NFIA: variants seen among roughly 807,000 people sequenced by gnomAD.
The protein encoded by NFIA is nuclear factor 1 A-type.
NFIA carries 8 observed loss-of-function variants against 62.8 expected under a neutral mutation model. That is an observed-to-expected ratio of 0.13 (90% CI 0.07 to 0.23). The LOEUF is 0.23. NFIA is among the 10% of genes least tolerant of loss of function. NFIA has a pLI of 1.00. For missense variants in NFIA, 410 were observed against 642.1 expected (o/e 0.64, Z 3.91); for synonymous variants, 235 against 238.1 (o/e 0.99, Z 0.12).
chr1:61,094,838 A>AATT (rs1646383197), intron 2 of NFIA, among the ~76,000 whole-genome samples: 1 of 152,222 alleles, frequency 6.6e-6, no homozygotes, highest in African/African-American at 2.4e-5. Context: ...TATCTAATGG[A>AATT]ATTAGTCCTC....
intron 3 of NFIA, among the ~76,000 whole-genome samples, chr1:61,309,246 C>G (rs1416466661): frequency 6.6e-6 from 1 of 151,468 alleles, no homozygotes; most frequent in Non-Finnish European, 1.5e-5. Context: ...ATGAAGAGAC[C>G]CTACATGTGA....
chr1:61,135,244 A>G (rs1647160994), intron 2 of NFIA, among the ~76,000 whole-genome samples: 3 of 152,212 alleles, frequency 2.0e-5, no homozygotes, highest in Admixed American at 2.0e-4. Context: ...TAATACAGCT[A>G]CTTTGATTTG....
chr1:61,426,424 T>C (rs1360444704), intron 9 of NFIA, 41 bp from the exon 10 acceptor site: 1 of 1,360,192 alleles, frequency 7.4e-7, no homozygotes, highest in Admixed American at 2.0e-5. Flanking sequence ...GTGTGCAATC[T>C]CGTGCCGCTT....
chr1:61,252,808 ATCT>A (rs1307598601), intron 2 of NFIA, among the ~76,000 whole-genome samples: 1 of 152,238 alleles, frequency 6.6e-6, no homozygotes, highest in Non-Finnish European at 1.5e-5. Context: ...ATTAATGAGT[ATCT>A]TCTTCATCCA....
chr1:61,442,813 C>G (rs1268725291), intron 10 of NFIA, among the ~76,000 whole-genome samples: 1 of 152,182 alleles, frequency 6.6e-6, no homozygotes. Context: ...TCAGTCCTGG[C>G]TAAAGGCTGA....
intron 3 of NFIA, among the ~76,000 whole-genome samples, chr1:61,289,961 C>T (rs1658764225): frequency 6.6e-6 from 1 of 151,446 alleles, no homozygotes; most frequent in East Asian, 1.9e-4. Flanking sequence ...TCATCCACCT[C>T]ATTGCCTCAT....
At chr1:61,361,594 T>C (rs148573045) in intron 6 of NFIA, among the ~76,000 whole-genome samples, 267 of 152,190 alleles carry the variant, frequency 1.8e-3, no homozygotes, top group Middle Eastern at 6.8e-3. Context: ...TCTGGGTATA[T>C]TGGGGGCTGT....
intron 2 of NFIA, among the ~76,000 whole-genome samples, chr1:61,243,400 G>A (rs911091630): frequency 1.3e-5 from 2 of 152,076 alleles, no homozygotes; most frequent in African/African-American, 4.8e-5. Context: ...CTTACATATT[G>A]TACTGTAAGT....
In NFIA at chr1:61,448,512, C is replaced by T. The variant is rs113179900; in HGVS notation, c.1513-6791C>T. ...AACCCAGCTACCCCTGGCTTTCTGG[C>T]TTTCTGTAGTAGCCCCTAGCCAGGC... On this transcript the variant is annotated intron_variant, in intron 10 of 10. Transcript: ENST00000403491. Among the ~76,000 whole-genome samples, 1,307 of 152,308 alleles carry T rather than the reference C, an allele frequency of 8.6e-3. 21 individuals are homozygous for T. The highest frequency in any genetic ancestry group is 0.03 in the African/African-American group (1,256 of 41,554).
intron 2 of NFIA, among the ~76,000 whole-genome samples, chr1:61,235,023 C>T (rs530544912): frequency 6.6e-6 from 1 of 152,244 alleles, no homozygotes; most frequent in South Asian, 2.1e-4. Context: ...AGCCTTTATA[C>T]CCCTTTTAAG....
intron 2 of NFIA, among the ~76,000 whole-genome samples, chr1:61,186,263 C>T (rs372933504): frequency 2.6e-5 from 4 of 152,188 alleles, no homozygotes; most frequent in African/African-American, 7.2e-5. Context: ...TATGAACTGC[C>T]GCAGGTGGTT....
At chr1:61,262,706 A>G (rs1268392441) in intron 2 of NFIA, among the ~76,000 whole-genome samples, 3 of 151,768 alleles carry the variant, frequency 2.0e-5, no homozygotes, top group Non-Finnish European at 4.4e-5. Flanking sequence ...GAAAATGAAA[A>G]CACACTCAGT....
At chr1:61,364,030 T>A (rs1452375851) in intron 6 of NFIA, among the ~76,000 whole-genome samples, 1 of 149,704 alleles carries the variant, frequency 6.7e-6, no homozygotes, top group Non-Finnish European at 1.5e-5. Context: ...CACTGCAACC[T>A]CCACCTCCGG....
intron 3 of NFIA, among the ~76,000 whole-genome samples, chr1:61,289,950 C>T (rs1002134946): frequency 6.6e-6 from 1 of 151,666 alleles, no homozygotes; most frequent in Non-Finnish European, 1.5e-5. Flanking sequence ...CGCCTTCTCT[C>T]TCATCCACCT....
chr1:61,087,650 G>A (rs951063259), intron 1 of NFIA, among the ~76,000 whole-genome samples: 2 of 152,148 alleles, frequency 1.3e-5, no homozygotes, highest in African/African-American at 2.4e-5. Context: ...TTCATTGATT[G>A]TAGAGATGAT....
At chr1:61,081,701 C>A (rs1356418788), upstream of NFIA, 21 of 593,606 alleles carry the variant, frequency 3.5e-5, no homozygotes, top group East Asian at 4.1e-4. Context: ...TTCTCCAGAC[C>A]CCCGCCCCCC....
At chr1:61,202,440 T>C (rs1235279031) in intron 2 of NFIA, among the ~76,000 whole-genome samples, 1 of 152,200 alleles carries the variant, frequency 6.6e-6, no homozygotes, top group African/African-American at 2.4e-5. Context: ...TGTATGATCC[T>C]CACAAGGTAC....
At chr1:61,218,059 A>G (rs1270898231) in intron 2 of NFIA, among the ~76,000 whole-genome samples, 3 of 152,242 alleles carry the variant, frequency 2.0e-5, no homozygotes, top group African/African-American at 4.8e-5. Context: ...CTCCTAAGGC[A>G]TGATTATATA....
intron 2 of NFIA, among the ~76,000 whole-genome samples, chr1:61,152,259 G>A (rs770858161): frequency 3.6e-4 from 55 of 152,244 alleles, no homozygotes; most frequent in African/African-American, 1.0e-3. Context: ...GCTGCACTGC[G>A]CCAGACTGAA....
Sources: allele counts gnomAD v4.1 joint callset (sites outside exome capture counted in the v4.1 genomes callset), GRCh38; gene constraint gnomAD v4.1.1; transcripts MANE v1.5; gene names NCBI Gene and HGNC (gene_info 2026-07-23, HGNC 2026-07-21).